Variants in ERBB4 observed in about 807,000 individuals in gnomAD.
ERBB4 encodes the protein erb-b2 receptor tyrosine kinase 4, also known as receptor tyrosine-protein kinase erbB-4.
A neutral mutation model predicts 158.0 loss-of-function variants in ERBB4; 42 were observed. The observed-to-expected ratio is 0.27, with a 90% CI of 0.21 to 0.34. ERBB4 has a LOEUF of 0.34. ERBB4 is among the 10% of genes least tolerant of loss of function. The probability of loss-of-function intolerance (pLI) is 1.00; values close to 1 mark genes in which losing one functional copy is unlikely to be tolerated. For synonymous variants in ERBB4, 583 were observed against 558.7 expected, an observed-to-expected ratio of 1.04 and a Z score of -0.61; for missense variants, 1,333 against 1,624.1, an observed-to-expected ratio of 0.82 and a Z score of 3.08.
At chr2:211,985,754 T>C (rs569982091) in intron 2 of ERBB4, among the ~76,000 whole-genome samples, 2 of 152,174 alleles carry the variant, frequency 1.3e-5, no homozygotes, top group Admixed American at 6.5e-5. Flanking sequence ...TATTTAAAAA[T>C]ACTCAAATAA....
At chr2:211,781,551 T>G (rs914274711) in intron 4 of ERBB4, among the ~76,000 whole-genome samples, 1 of 152,174 alleles carries the variant, frequency 6.6e-6, no homozygotes, top group Non-Finnish European at 1.5e-5. Flanking sequence ...AGAGACAACC[T>G]TCTAGTTACT....
intron 1 of ERBB4, among the ~76,000 whole-genome samples, chr2:212,537,882 C>T (rs549908693): frequency 6.6e-6 from 1 of 152,308 alleles, no homozygotes; most frequent in Non-Finnish European, 1.5e-5. Flanking sequence ...CTGCTGCACT[C>T]CGGCTGCCCG....
chr2:212,375,998 A>G (rs548450504), intron 1 of ERBB4, among the ~76,000 whole-genome samples: 1 of 152,240 alleles, frequency 6.6e-6, no homozygotes, highest in East Asian at 1.9e-4. Flanking sequence ...CATCCACATC[A>G]ATTTGTGAGA....
At chr2:212,446,859 C>A (rs1268218015) in intron 1 of ERBB4, among the ~76,000 whole-genome samples, 1 of 150,194 alleles carries the variant, frequency 6.7e-6, no homozygotes, top group African/African-American at 2.4e-5. Context: ...AAGTAATAAG[C>A]CTAACCCATA....
intron 1 of ERBB4, among the ~76,000 whole-genome samples, chr2:212,176,815 C>A (rs2081678406): frequency 6.6e-6 from 1 of 151,818 alleles, no homozygotes; most frequent in South Asian, 2.1e-4. Context: ...ATACTTCGAC[C>A]AAACTACAGG....
intron 3 of ERBB4, among the ~76,000 whole-genome samples, chr2:211,872,167 A>G (rs1273227942): frequency 6.6e-6 from 1 of 152,216 alleles, no homozygotes; most frequent in African/African-American, 2.4e-5. Context: ...ACATATATAA[A>G]AAGGCTAAAG....
intron 2 of ERBB4, among the ~76,000 whole-genome samples, chr2:212,074,439 C>T (rs1214789172): frequency 6.6e-6 from 1 of 151,852 alleles, no homozygotes. Context: ...TCAGGTTAAT[C>T]CCATATTTAT....
At chr2:211,515,913 T>TATATATATA (rs71054105) in intron 20 of ERBB4, among the ~76,000 whole-genome samples, 12 of 57,372 alleles carry the variant, frequency 2.1e-4, no homozygotes, top group African/African-American at 1.2e-3. Flanking sequence ...TATATATATA[T>TATATATATA]TTTTTTTTTT....
At chr2:212,371,876 C>T (rs1296888879) in intron 1 of ERBB4, among the ~76,000 whole-genome samples, 1 of 152,064 alleles carries the variant, frequency 6.6e-6, no homozygotes, top group African/African-American at 2.4e-5. Flanking sequence ...GTTACATAGG[C>T]GAGAACTTGG....
intron 3 of ERBB4, among the ~76,000 whole-genome samples, chr2:211,865,172 A>G (rs982099642): frequency 1.3e-5 from 2 of 151,672 alleles, no homozygotes; most frequent in Non-Finnish European, 1.5e-5. Flanking sequence ...ATTAAAGTAT[A>G]TATCTATACC....
chr2:212,341,365 T>A (rs937315925), intron 1 of ERBB4, among the ~76,000 whole-genome samples: 1 of 151,870 alleles, frequency 6.6e-6, no homozygotes, highest in African/African-American at 2.4e-5. Flanking sequence ...TGTCTTAAAT[T>A]TTTTTTTGTA....
At chr2:212,328,986 T>A (rs1367658098) in intron 1 of ERBB4, among the ~76,000 whole-genome samples, 2 of 152,004 alleles carry the variant, frequency 1.3e-5, no homozygotes, top group African/African-American at 4.8e-5. Context: ...ATAAGAAAAA[T>A]TTAAATTACA....
At chr2:211,607,368 A>G (rs1422595915) in intron 19 of ERBB4, among the ~76,000 whole-genome samples, 9 of 152,008 alleles carry the variant, frequency 5.9e-5, no homozygotes, top group Admixed American at 6.6e-5. Flanking sequence ...GAGCTCAGGG[A>G]CTCCCAAAGA....
intron 2 of ERBB4, among the ~76,000 whole-genome samples, chr2:211,980,954 C>G (rs2125229977): frequency 6.6e-6 from 1 of 152,142 alleles, no homozygotes; most frequent in African/African-American, 2.4e-5. Flanking sequence ...GAAAGAACAG[C>G]AGGGAGCAGC....
At chr2:212,299,903 T>C (rs1251867813) in intron 1 of ERBB4, among the ~76,000 whole-genome samples, 1 of 151,662 alleles carries the variant, frequency 6.6e-6, no homozygotes, top group Non-Finnish European at 1.5e-5. Context: ...ACATTTTAAC[T>C]ACCCTGTCCT....
intron 2 of ERBB4, among the ~76,000 whole-genome samples, chr2:211,951,026 A>G (rs945010685): frequency 2.6e-5 from 4 of 152,180 alleles, no homozygotes; most frequent in African/African-American, 7.2e-5. Flanking sequence ...AGTTTTCTTT[A>G]AACTTGAATA....
At chr2:211,505,273 C>A (rs79880331) in intron 20 of ERBB4, among the ~76,000 whole-genome samples, 3,134 of 151,634 alleles carry the variant, frequency 0.021, 115 homozygotes, top group African/African-American at 0.07. Context: ...ATCTTATAAG[C>A]CAGAAGAGAC....
chr2:212,084,010 T>A (rs570348254), intron 2 of ERBB4, among the ~76,000 whole-genome samples: 13 of 151,678 alleles, frequency 8.6e-5, no homozygotes, highest in Admixed American at 2.6e-4. Flanking sequence ...ATGAGTGCAG[T>A]TGAAGTGTAT....
intron 3 of ERBB4, among the ~76,000 whole-genome samples, chr2:211,840,644 C>A (rs1337804038): frequency 7.9e-5 from 12 of 152,104 alleles, no homozygotes; most frequent in Admixed American, 7.9e-4. Context: ...TAAGCTGGTT[C>A]TCCTAATAGT....
Sources: allele counts gnomAD v4.1 joint callset (sites outside exome capture counted in the v4.1 genomes callset), GRCh38; gene constraint gnomAD v4.1.1; transcripts MANE v1.5; gene names NCBI Gene and HGNC (gene_info 2026-07-23, HGNC 2026-07-21).